TSC1: variants seen among roughly 807,000 people sequenced by gnomAD.
TSC1 encodes hamartin.
TSC1 carries 20 observed loss-of-function variants against 124.3 expected under a neutral mutation model. The observed-to-expected ratio is 0.16, with a 90% CI of 0.11 to 0.23. TSC1 has a LOEUF of 0.23. TSC1 is among the 10% of genes least tolerant of loss of function. TSC1 has a pLI of 1.00. For missense variants in TSC1, 1,124 were observed against 1,448.5 expected (o/e 0.78, Z 3.64); for synonymous variants, 493 against 539.1 (o/e 0.91, Z 1.19).
intron 12 of TSC1, among the ~76,000 whole-genome samples, chr9:132,909,347 TACTA>T (rs1367649329): frequency 2.0e-5 from 3 of 152,340 alleles, no homozygotes; most frequent in Middle Eastern, 3.4e-3. Flanking sequence ...AAACTCAAAT[TACTA>T]ACTAAGCTTC....
At chr9:132,936,536 C>T (rs1847465360) in intron 1 of TSC1, among the ~76,000 whole-genome samples, 1 of 152,220 alleles carries the variant, frequency 6.6e-6, no homozygotes, top group East Asian at 1.9e-4. Flanking sequence ...TTTCTTCCCC[C>T]TTTTACCCTA....
intron 1 of TSC1, among the ~76,000 whole-genome samples, chr9:132,942,907 T>G (rs1026987727): frequency 6.6e-6 from 1 of 151,986 alleles, no homozygotes; most frequent in African/African-American, 2.4e-5. Flanking sequence ...AGGAGCCTCA[T>G]TTGCCTGATG....
At chr9:132,926,443 C>T (rs1846866727) in intron 4 of TSC1, 1 of 154,814 alleles carries the variant, frequency 6.5e-6, no homozygotes, top group African/African-American at 2.4e-5. Context: ...TCTGCAATAA[C>T]AATGCTTTAT....
At chr9:132,931,462 T>A (rs1193030254) in intron 2 of TSC1, 1 of 152,184 alleles carries the variant, frequency 6.6e-6, no homozygotes, top group African/African-American at 2.4e-5. Context: ...TGGCAACAAG[T>A]TTTTCTCTCT....
Position 132,921,734 on chromosome 9 carries a change from T to C in TSC1, c.663+85A>G. On this transcript the variant is annotated intron_variant, in intron 7 of 22. Coordinates refer to ENST00000298552, the MANE Select transcript of TSC1 (RefSeq NM_000368.5). The surrounding 1 kb of genome is among the most constrained non-coding windows in gnomAD (Gnocchi z 4.3). ...ACTGAATTTCTTTTCAAAATTTCCCTGTCTGCCGTTAAATACAAAAGGTAT... is the reference window on the plus strand; with the variant it reads ...ACTGAATTTCTTTTCAAAATTTCCCCGTCTGCCGTTAAATACAAAAGGTAT... 1.9e-6 allele frequency: 3 copies of C among 1,554,274 alleles called. No homozygotes were observed. Among genetic ancestry groups the C allele is most frequent in the Non-Finnish European group, 1.8e-6 (2 of 1,128,874 alleles).
chr9:132,896,952 T>C lies in TSC1; in HGVS notation c.2976-198A>G, dbSNP rs1182065885. 4.6e-5 allele frequency among the ~76,000 whole-genome samples: 7 copies of C among 152,158 alleles called. No homozygotes were observed. Among genetic ancestry groups the C allele is most frequent in the Non-Finnish European group, 1.0e-4 (7 of 68,022 alleles). ...AGGGATAGTAGGTGGCAATCTTAAG[T>C]GTGAACACTTCCTGTGGCCATATGG... On this transcript the variant is annotated intron_variant, in intron 22 of 22. Transcript: ENST00000298552. This position sits in a 1 kb window ranked among gnomAD's most constrained non-coding sequence, Gnocchi z 4.5.
intron 11 of TSC1, 59 bp from the exon 12 acceptor site, chr9:132,910,751 G>C: frequency 1.2e-6 from 2 of 1,610,008 alleles, no homozygotes; most frequent in South Asian, 1.1e-5. Flanking sequence ...AAAAACTGCC[G>C]ATTTTTTTTC....
In TSC1 at chr9:132,906,147, GAAGAGAGGAAAC is replaced by G. The variant is rs1064792996; in HGVS notation, c.1439-20_1439-9del. ...GTTCTCTAGATATTGCAGCTGAGAG[GAAGAGAGGAAAC>G]AAAAGAAATGGCAGTCGGTATTCCA... On this transcript the variant is annotated splice_polypyrimidine_tract_variant and intron_variant, in intron 14 of 22. Coordinates refer to ENST00000298552, the MANE Select transcript of TSC1 (RefSeq NM_000368.5). This position sits in a 1 kb window ranked among gnomAD's most constrained non-coding sequence, Gnocchi z 4.1. The G allele has an allele frequency of 1.2e-6, 2 of 1,611,412 alleles. No individual in the cohort carries two copies. Among genetic ancestry groups the G allele is most frequent in the African/African-American group, 2.7e-5 (2 of 75,026 alleles).
In TSC1 at chr9:132,895,592, C is replaced by G. The variant is rs540812085; in HGVS notation, c.*643G>C. ...GCCAGCTCCAGATTTCTGAAACAGG[C>G]TTCTGTTTACACAGAACTTTCTAGG... is the stretch of plus-strand genomic sequence containing the variant. On this transcript the variant is annotated 3_prime_UTR_variant, in exon 23 of 23. Coordinates refer to ENST00000298552, the MANE Select transcript of TSC1 (RefSeq NM_000368.5). 4.7e-4 allele frequency: 110 copies of G among 234,542 alleles called. No homozygotes were observed. Among genetic ancestry groups the G allele is most frequent in the Non-Finnish European group, 4.3e-4 (51 of 118,884 alleles). 14.5% of individuals were successfully genotyped at this position (234,542 alleles called of 1,614,324 possible).
chr9:132,935,064 CA>C lies in TSC1; in HGVS notation c.-113del, dbSNP rs1408473148. ...TAGCGACAACTGGTACTTCAGTTTC[CA>C]GTGCTGTCAACCTGGTGTCTTTCAT... On this transcript the variant is annotated 5_prime_UTR_variant, in exon 2 of 23. An upstream open reading frame in the 5' UTR loses its in-frame stop. Coordinates refer to ENST00000298552, the MANE Select transcript of TSC1 (RefSeq NM_000368.5). 2.5e-6 allele frequency: 1 copy of C among 398,952 alleles called. No individual in the cohort carries two copies. The highest frequency in any genetic ancestry group is 4.4e-6 in the Non-Finnish European group (1 of 226,080). 24.7% of individuals were successfully genotyped at this position (398,952 alleles called of 1,614,324 possible). A position where few individuals can be genotyped will look rare whatever the true frequency, so the allele number is the denominator to read the frequency against.
In TSC1 at chr9:132,921,677, G is replaced by T; in HGVS notation, c.663+142C>A. On this transcript the variant is annotated intron_variant, in intron 7 of 22. Coordinates refer to ENST00000298552, the MANE Select transcript of TSC1 (RefSeq NM_000368.5). The surrounding 1 kb of genome is among the most constrained non-coding windows in gnomAD (Gnocchi z 4.3). ...TATTAAGACAGAAAACAGATTAGTG[G>T]CTGCCTAGGGATTGGAGTGGCGAGG... 2.6e-6 allele frequency: 3 copies of T among 1,145,036 alleles called. No homozygotes were observed. Among genetic ancestry groups the T allele is most frequent in the South Asian group, 2.6e-5 (2 of 77,828 alleles). The allele number at this position is 1,145,036 out of a possible 1,614,324, so 70.9% of individuals were successfully genotyped here. A position where few individuals can be genotyped will look rare whatever the true frequency, so the allele number is the denominator to read the frequency against.
At chr9:132,926,468 A>G (rs1846868068) in intron 4 of TSC1, 1 of 154,536 alleles carries the variant, frequency 6.5e-6, no homozygotes, top group Non-Finnish European at 1.4e-5. Context: ...TACTTACTAA[A>G]AACAAAAGGA....
chr9:132,906,873 C>A lies in TSC1; in HGVS notation c.1334-38G>T. On this transcript the variant is annotated intron_variant, in intron 13 of 22. Transcript: ENST00000298552. This position sits in a 1 kb window ranked among gnomAD's most constrained non-coding sequence, Gnocchi z 4.1. ...AAAGACAACTGAAGTCAAAGAAATA[C>A]AGTGTAATCCCTGTAAGTGTAAAAC... 6.5e-7 allele frequency: 1 copy of A among 1,530,966 alleles called. No homozygotes were observed. Among genetic ancestry groups the A allele is most frequent in the Non-Finnish European group, 9.0e-7 (1 of 1,105,276 alleles). 94.8% of individuals were successfully genotyped at this position (1,530,966 alleles called of 1,614,324 possible).
At chr9:132,915,770 C>T (rs926014600) in intron 8 of TSC1, among the ~76,000 whole-genome samples, 3 of 152,168 alleles carry the variant, frequency 2.0e-5, no homozygotes, top group African/African-American at 7.2e-5. Flanking sequence ...GCTGAAAACA[C>T]GGTATTAAAT....
intron 9 of TSC1, 127 bp from the exon 10 acceptor site, chr9:132,911,695 G>A: frequency 3.2e-6 from 2 of 624,494 alleles, no homozygotes; most frequent in Non-Finnish European, 5.5e-6. Context: ...TCAATTCTCT[G>A]TACCTAAAAA....
chr9:132,939,941 A>G (rs1043084450), intron 1 of TSC1, among the ~76,000 whole-genome samples: 1 of 152,184 alleles, frequency 6.6e-6, no homozygotes, highest in African/African-American at 2.4e-5. Flanking sequence ...GACGTCCACT[A>G]AAGGTTCAGA....
chr9:132,930,539 G>C (rs985151315), intron 2 of TSC1, among the ~76,000 whole-genome samples: 1 of 140,352 alleles, frequency 7.1e-6, no homozygotes, highest in African/African-American at 2.8e-5. Flanking sequence ...AGTGAGTCAA[G>C]GTCATGCCAC....
intron 20 of TSC1, 129 bp downstream of exon 20, chr9:132,900,586 G>A: frequency 6.8e-7 from 1 of 1,477,166 alleles, no homozygotes; most frequent in Non-Finnish European, 9.4e-7. Flanking sequence ...GGACCACGGA[G>A]TAGTGGGACT....
At position 132,904,436 on chromosome 9, in the gene TSC1, C is replaced by T. The variant is rs748487106; in HGVS notation, c.2016G>A (p.Lys672=). ...KELNKLPLPS[K]SVDWTHFGGS... ...CTCCAAAGTGGGTCCAGTCGACAGA[C>T]TTGCTGGGTAAAGGCAACCTAGGAA... The change falls in exon 16 of 23, where the codon AAG becomes AAA. Residue 672 remains lysine (K), a synonymous_variant. Transcript: ENST00000298552. 1.2e-6 allele frequency: 2 copies of T among 1,614,080 alleles called. No individual in the cohort carries two copies. The highest frequency in any genetic ancestry group is 1.7e-6 in the Non-Finnish European group (2 of 1,180,010).
Sources: gnomAD v4.1 joint callset for allele counts (sites outside exome capture counted in the v4.1 genomes callset) on GRCh38, gnomAD v4.1.1 for gene constraint, Gnocchi (gnomAD v3.1) non-coding constraint, MANE v1.5 for transcripts, NCBI Gene and HGNC (gene_info 2026-07-23, HGNC 2026-07-21) for gene names.